DENND5B: variants seen among roughly 807,000 people sequenced by gnomAD.
The protein encoded by DENND5B is DENN domain-containing protein 5B.
Under a neutral mutation model 140.6 loss-of-function variants are expected in DENND5B, and 34 were observed. The observed-to-expected ratio is 0.24, with a 90% CI of 0.18 to 0.32. DENND5B has a LOEUF of 0.32. DENND5B is among the 10% of genes least tolerant of loss of function. The pLI is 1.00. For missense variants in DENND5B, 1,142 were observed against 1,560.2 expected (o/e 0.73, Z 4.52); for synonymous variants, 551 against 562.1 (o/e 0.98, Z 0.28).
At position 31,570,277 on chromosome 12, in the gene DENND5B, C is replaced by CT. The variant is rs746678233; in HGVS notation, c.127+20428dup. On this transcript the variant is annotated intron_variant, in intron 1 of 20. Transcript: ENST00000389082. The stretch of plus-strand genomic sequence containing the variant: ...ATAAGAACTAATCAAAATTCTCTCT[C>CT]TTTTTTTTTTTTTTTAAGAGACGGA... 2.5e-3 allele frequency among the ~76,000 whole-genome samples: 358 copies of CT among 141,568 alleles called. 2 individuals carry two copies. Among genetic ancestry groups the CT allele is most frequent in the Middle Eastern group, 7.4e-3 (2 of 270 alleles). The allele number at this position is 141,568 out of a possible 152,430, so 92.9% of individuals were successfully genotyped here. A position where few individuals can be genotyped will look rare whatever the true frequency, so the allele number is the denominator to read the frequency against.
chr12:31,438,131 G>A (rs1364610155), intron 7 of DENND5B, among the ~76,000 whole-genome samples: 1 of 151,968 alleles, frequency 6.6e-6, no homozygotes, highest in African/African-American at 2.4e-5. Flanking sequence ...TCCAGCCACC[G>A]TGCCCGGCTA....
At chr12:31,573,297 C>T (rs1383084019) in intron 1 of DENND5B, among the ~76,000 whole-genome samples, 1 of 151,986 alleles carries the variant, frequency 6.6e-6, no homozygotes, top group Admixed American at 6.6e-5. Flanking sequence ...AAGAAGTTAC[C>T]TCTTCTACAT....
chr12:31,559,065 A>G (rs1188824857), intron 1 of DENND5B, among the ~76,000 whole-genome samples: 2 of 152,218 alleles, frequency 1.3e-5, no homozygotes, highest in African/African-American at 2.4e-5. Flanking sequence ...GTCACTTGGA[A>G]CATAAGTTCT....
rs541274277 is a variant in DENND5B, at chr12:31,514,966, A to AT, written c.128-19048dup. On this transcript the variant is annotated intron_variant, in intron 1 of 20. Coordinates refer to ENST00000389082, the MANE Select transcript of DENND5B (RefSeq NM_144973.4). Reference sequence around the variant, plus strand: ...GACCTTTTTCTCTACAAAAAAAAAAATTTTTTTTTAATTAGGCATGGTGGT... The same window carrying AT: ...GACCTTTTTCTCTACAAAAAAAAAAATTTTTTTTTTAATTAGGCATGGTGGT... Among the ~76,000 whole-genome samples, 611 of 151,736 alleles carry AT rather than the reference A, an allele frequency of 4.0e-3. 5 individuals carry two copies. The highest frequency in any genetic ancestry group is 0.014 in the African/African-American group (573 of 41,408).
At position 31,480,113 on chromosome 12, in the gene DENND5B, T is replaced by A. The variant is rs755087513; in HGVS notation, c.380A>T (p.Gln127Leu). Residue 127 changes from glutamine to leucine, a missense_variant, in exon 3 of 21, where the codon CAA (glutamine) becomes CTA (leucine). Gln to Leu is a moderately radical substitution (Grantham distance 113). Transcript: ENST00000389082. Reference sequence around the variant, plus strand: ...AAGTGTCTGCATTGCTGTGCAGATTTGCTTACTTGTAACTTCTTCATAAAA... The same window carrying A: ...AAGTGTCTGCATTGCTGTGCAGATTAGCTTACTTGTAACTTCTTCATAAAA... ...LTFYEEVTSK[Q>L]ICTAMQTLYQ... The A allele has an allele frequency of 1.2e-6, 2 of 1,613,540 alleles. No individual in the cohort carries two copies. The highest frequency in any genetic ancestry group is 2.2e-5 in the South Asian group (2 of 91,022).
In DENND5B at chr12:31,588,181, C is replaced by A. The variant is rs149841472; in HGVS notation, c.127+2525G>T. ...GTCTTCGCACTTGCTGTTTCTTCTG[C>A]GTGCAATGCTGTGCCCCCAGGTGAT... On this transcript the variant is annotated intron_variant, in intron 1 of 20. Coordinates refer to ENST00000389082, the MANE Select transcript of DENND5B (RefSeq NM_144973.4). Among the ~76,000 whole-genome samples, 899 of 152,274 alleles carry A rather than the reference C, an allele frequency of 5.9e-3. 8 individuals are homozygous for A. Among genetic ancestry groups the A allele is most frequent in the Non-Finnish European group, 7.5e-3 (507 of 68,034 alleles).
chr12:31,515,676 CAATT>C (rs1203701082), intron 1 of DENND5B, among the ~76,000 whole-genome samples: 4 of 152,150 alleles, frequency 2.6e-5, no homozygotes, highest in African/African-American at 9.7e-5. Context: ...CAATTATATA[CAATT>C]AATCAGTAGA....
At chr12:31,561,572 A>G (rs777651887) in intron 1 of DENND5B, among the ~76,000 whole-genome samples, 1 of 152,216 alleles carries the variant, frequency 6.6e-6, no homozygotes, top group Admixed American at 6.5e-5. Flanking sequence ...ATATATATAC[A>G]TATTTTGAAA....
chr12:31,420,750 A>C (rs1481751071), intron 11 of DENND5B, among the ~76,000 whole-genome samples: 1 of 152,050 alleles, frequency 6.6e-6, no homozygotes, highest in East Asian at 1.9e-4. Context: ...AGTCCTCCCA[A>C]CGAATTTAAA....
intron 7 of DENND5B, among the ~76,000 whole-genome samples, chr12:31,442,137 T>C (rs1275451649): frequency 2.0e-5 from 3 of 152,190 alleles, no homozygotes; most frequent in African/African-American, 7.2e-5. Context: ...TACTATCCTG[T>C]CTTCTCTGGA....
intron 2 of DENND5B, among the ~76,000 whole-genome samples, chr12:31,484,656 C>T (rs1946216020): frequency 6.6e-6 from 1 of 151,910 alleles, no homozygotes; most frequent in South Asian, 2.1e-4. Context: ...AAAAAATTAG[C>T]AGGGCGTGGT....
At chr12:31,510,356 C>G (rs1287498319) in intron 1 of DENND5B, among the ~76,000 whole-genome samples, 1 of 152,172 alleles carries the variant, frequency 6.6e-6, no homozygotes, top group Non-Finnish European at 1.5e-5. Context: ...CCCTCTGTCA[C>G]CCAGGCTGGA....
chr12:31,580,548 G>A (rs1402113858), intron 1 of DENND5B, among the ~76,000 whole-genome samples: 1 of 152,072 alleles, frequency 6.6e-6, no homozygotes, highest in Non-Finnish European at 1.5e-5. Flanking sequence ...AGGCTGGAGT[G>A]CAGCAGCGCA....
intron 1 of DENND5B, among the ~76,000 whole-genome samples, chr12:31,564,254 A>G (rs1016214554): frequency 1.3e-4 from 20 of 152,222 alleles, no homozygotes; most frequent in Non-Finnish European, 2.5e-4. Context: ...GAATTTGAGT[A>G]TCCATAAACT....
At chr12:31,534,937 G>T in intron 1 of DENND5B, 1 of 312,546 alleles carries the variant, frequency 3.2e-6, no homozygotes, top group Admixed American at 4.6e-5. Context: ...AACTGGGTGT[G>T]GCGGCGTGTG....
chr12:31,407,018 T>C (rs1942161816), intron 14 of DENND5B, among the ~76,000 whole-genome samples: 1 of 152,162 alleles, frequency 6.6e-6, no homozygotes, highest in Non-Finnish European at 1.5e-5. Context: ...CACGTCAGTC[T>C]CGAACTCCTG....
intron 7 of DENND5B, among the ~76,000 whole-genome samples, chr12:31,433,836 T>C (rs1056802339): frequency 9.0e-5 from 2 of 22,156 alleles, no homozygotes; most frequent in Non-Finnish European, 5.7e-4. Flanking sequence ...CTAGGCAACA[T>C]AGTGAGACTG....
At chr12:31,468,378 G>A (rs1478792929) in intron 3 of DENND5B, among the ~76,000 whole-genome samples, 1 of 151,978 alleles carries the variant, frequency 6.6e-6, no homozygotes. Flanking sequence ...GTGGGCAGGT[G>A]GGGAGAAAGA....
rs577177768 is a variant in DENND5B at position 31,517,977 on chromosome 12, C to G, written c.128-22058G>C. Among the ~76,000 whole-genome samples the G allele has an allele frequency of 1.1e-4, 17 of 152,300 alleles. No homozygotes were observed. The South Asian group carries it at 3.5e-3, about 32-fold the overall frequency. On this transcript the variant is annotated intron_variant, in intron 1 of 20. Transcript: ENST00000389082. ...GTGGATGAGAAAGTGGGGGCTCCTT[C>G]CCTCAACTCAGCCTTGCATTGCTGG...
Sources: allele counts gnomAD v4.1 joint callset (sites outside exome capture counted in the v4.1 genomes callset), GRCh38; gene constraint gnomAD v4.1.1; transcripts MANE v1.5; gene names NCBI Gene and HGNC (gene_info 2026-07-23, HGNC 2026-07-21).